The following OSBPL10 variants were observed in gnomAD, a reference collection of about 807,000 sequenced individuals.
OSBPL10 encodes oxysterol-binding protein-related protein 10.
Under a neutral mutation model 81.7 loss-of-function variants are expected in OSBPL10, and 49 were observed. The observed-to-expected ratio is 0.60, with a 90% CI of 0.48 to 0.76. The LOEUF (loss-of-function observed/expected upper bound fraction) is 0.76. Among genes scored for constraint, OSBPL10 ranks in the 30% least tolerant of loss-of-function variants. The pLI is 0.00. For synonymous variants in OSBPL10, 419 were observed against 383.6 expected (o/e 1.09, Z -1.08); for missense variants, 923 against 987.8 (o/e 0.93, Z 0.88).
intron 1 of OSBPL10, among the ~76,000 whole-genome samples, chr3:31,974,129 G>A (rs1451608296): frequency 6.6e-6 from 1 of 152,196 alleles, no homozygotes; most frequent in Non-Finnish European, 1.5e-5. Context: ...ATGGGCAGAG[G>A]ACTTAAAGAG....
At chr3:31,775,417 T>C (rs932702095) in intron 4 of OSBPL10, among the ~76,000 whole-genome samples, 1 of 151,830 alleles carries the variant, frequency 6.6e-6, no homozygotes, top group African/African-American at 2.4e-5. Flanking sequence ...GAGTCCAGGA[T>C]CAAGGTGCCA....
intron 1 of OSBPL10, among the ~76,000 whole-genome samples, chr3:32,075,557 C>G (rs6789639): frequency 0.69 from 104,517 of 151,976 alleles, 38,535 homozygotes; most frequent in East Asian, 0.89. Context: ...TATGACAAAT[C>G]CTCCTTCTAA....
At chr3:31,802,866 C>T (rs1174458105) in intron 4 of OSBPL10, among the ~76,000 whole-genome samples, 1 of 152,042 alleles carries the variant, frequency 6.6e-6, no homozygotes, top group East Asian at 1.9e-4. Context: ...GAAGCTTGTG[C>T]CAGTGATCAA....
chr3:31,915,198 G>A (rs1411513486), intron 1 of OSBPL10, among the ~76,000 whole-genome samples: 1 of 151,516 alleles, frequency 6.6e-6, no homozygotes, highest in Non-Finnish European at 1.5e-5. Context: ...ATGGTAACAG[G>A]GGGGAAAAAA....
rs574263455 is a variant in OSBPL10, at chr3:31,815,067, T to C, written c.729+14973A>G. Among the ~76,000 whole-genome samples the C allele has an allele frequency of 4.5e-3, 587 of 130,906 alleles. 4 individuals carry two copies. Among genetic ancestry groups the C allele is most frequent in the African/African-American group, 0.014 (559 of 39,080 alleles). The allele number at this position is 130,906 out of a possible 152,430, so 85.9% of individuals were successfully genotyped here. A position where few individuals can be genotyped will look rare whatever the true frequency, so the allele number is the denominator to read the frequency against. On this transcript the variant is annotated intron_variant, in intron 4 of 11. Coordinates refer to ENST00000396556, the MANE Select transcript of OSBPL10 (RefSeq NM_017784.5). The stretch of plus-strand genomic sequence containing the variant: ...CCGGAGCGCTTCTTAGAGTCCTGCA[T>C]GACTCTGTAAGAATCTGAAGTGGCC...
intron 5 of OSBPL10, among the ~76,000 whole-genome samples, chr3:31,746,455 G>T (rs1482868528): frequency 5.3e-5 from 8 of 151,998 alleles, no homozygotes; most frequent in African/African-American, 1.7e-4. Flanking sequence ...GAGGCGGGAG[G>T]ATCACCTGAG....
At chr3:31,861,013 T>C (rs1204405709) in intron 3 of OSBPL10, among the ~76,000 whole-genome samples, 2 of 152,046 alleles carry the variant, frequency 1.3e-5, no homozygotes, top group Non-Finnish European at 2.9e-5. Context: ...TGGGCAAAAA[T>C]ACCTTAGTTC....
At chr3:31,993,568 A>G (rs1699057771) in intron 2 of OSBPL10, among the ~76,000 whole-genome samples, 1 of 152,188 alleles carries the variant, frequency 6.6e-6, no homozygotes, top group Non-Finnish European at 1.5e-5. Flanking sequence ...TAAGATATAC[A>G]GATGTCCGAA....
intron 1 of OSBPL10, among the ~76,000 whole-genome samples, chr3:31,965,600 T>C (rs1698333718): frequency 1.5e-5 from 1 of 65,812 alleles, no homozygotes; most frequent in African/African-American, 5.7e-5. Context: ...TTATATATTA[T>C]ATAATATATT....
chr3:31,956,403 G>A (rs188044209), intron 1 of OSBPL10, among the ~76,000 whole-genome samples: 1 of 152,274 alleles, frequency 6.6e-6, no homozygotes, highest in Admixed American at 6.5e-5. Context: ...CCAGGTAAGA[G>A]GGACAACAGA....
At chr3:32,054,604 T>A (rs974629277) in intron 1 of OSBPL10, among the ~76,000 whole-genome samples, 2 of 141,584 alleles carry the variant, frequency 1.4e-5, no homozygotes, top group Non-Finnish European at 3.0e-5. Context: ...TAATCTTGGC[T>A]CACTGCAACC....
At position 31,774,023 on chromosome 3, in the gene OSBPL10, G is replaced by A. The variant is rs79061213; in HGVS notation, c.730-25903C>T. Among the ~76,000 whole-genome samples, 34 of 152,204 alleles carry A rather than the reference G, an allele frequency of 2.2e-4. 1 individual carries two copies. The South Asian group carries it at 6.4e-3, about 29-fold the overall frequency. Reference sequence around the variant, plus strand: ...CTAAAAATACAAAGATTAGCCGGGCGTGGTGGCACGCGCCTGTAATCCCAG... The same window carrying A: ...CTAAAAATACAAAGATTAGCCGGGCATGGTGGCACGCGCCTGTAATCCCAG... On this transcript the variant is annotated intron_variant, in intron 4 of 11. Transcript: ENST00000396556.
chr3:31,695,202 T>C (rs535301298), intron 7 of OSBPL10, among the ~76,000 whole-genome samples: 1 of 152,248 alleles, frequency 6.6e-6, no homozygotes, highest in Non-Finnish European at 1.5e-5. Context: ...TGAAGCCAGC[T>C]GTGCTCTCTG....
intron 3 of OSBPL10, among the ~76,000 whole-genome samples, chr3:31,875,308 A>G (rs1487578063): frequency 2.0e-5 from 3 of 152,184 alleles, no homozygotes; most frequent in Non-Finnish European, 2.9e-5. Context: ...TCTGGTTTAT[A>G]AAAAGTAAAG....
At chr3:32,040,748 G>A (rs1257875681) in intron 2 of OSBPL10, among the ~76,000 whole-genome samples, 2 of 151,988 alleles carry the variant, frequency 1.3e-5, no homozygotes, top group Non-Finnish European at 2.9e-5. Context: ...GAGGTGGGAA[G>A]ATTGCTTGAG....
intron 2 of OSBPL10, among the ~76,000 whole-genome samples, chr3:32,012,459 G>C (rs1265477141): frequency 6.6e-6 from 1 of 152,172 alleles, no homozygotes; most frequent in African/African-American, 2.4e-5. Context: ...ACATGGAAAG[G>C]AACAACCAGT....
intron 1 of OSBPL10, among the ~76,000 whole-genome samples, chr3:31,921,926 T>C (rs1403803888): frequency 6.6e-6 from 1 of 152,238 alleles, no homozygotes; most frequent in Non-Finnish European, 1.5e-5. Context: ...CTCTGTGATC[T>C]TCCTCTGAAA....
chr3:31,965,644 A>AATTATAT (rs1307570899), intron 1 of OSBPL10, among the ~76,000 whole-genome samples: 1 of 61,778 alleles, frequency 1.6e-5, no homozygotes, highest in African/African-American at 7.2e-5. Flanking sequence ...ATATTATATA[A>AATTATAT]ATTATATATT....
intron 9 of OSBPL10, 138 bp from the exon 10 acceptor site, chr3:31,668,962 A>G: frequency 1.5e-6 from 1 of 673,460 alleles, no homozygotes; most frequent in East Asian, 2.7e-5. Flanking sequence ...TTGCTCAAAG[A>G]CTAGCTCTTA....
Sources: gnomAD v4.1 joint callset for allele counts (sites outside exome capture counted in the v4.1 genomes callset) on GRCh38, gnomAD v4.1.1 for gene constraint, MANE v1.5 for transcripts, NCBI Gene and HGNC (gene_info 2026-07-23, HGNC 2026-07-21) for gene names.